COG7: variants seen among roughly 807,000 people sequenced by gnomAD.
COG7 encodes the protein component of oligomeric golgi complex 7.
Under a neutral mutation model 91.5 loss-of-function variants are expected in COG7, and 49 were observed. The ratio of observed to expected loss-of-function variants is 0.54; its 90% confidence interval spans 0.43 to 0.68. COG7 has a LOEUF of 0.68. COG7 is among the 30% of genes least tolerant of loss of function. COG7 has a pLI of 0.00. For synonymous variants in COG7, 365 were observed against 388.7 expected (o/e 0.94, Z 0.72); for missense variants, 895 against 961.3 (o/e 0.93, Z 0.91).
rs867550588 is a variant in COG7 at position 23,435,688 on chromosome 16, C to A, written c.605-970G>T. The stretch of plus-strand genomic sequence containing the variant: ...TATATCAAAAGAAGGGAAAAAAAAG[C>A]CTTGAGCTAACAGGTCTCCAAACTT... On this transcript the variant is annotated intron_variant, in intron 4 of 16. Transcript: ENST00000307149. Among the ~76,000 whole-genome samples the A allele has an allele frequency of 4.6e-5, 7 of 152,256 alleles. No individual in the cohort carries two copies. The South Asian group carries it at 1.4e-3, about 32-fold the overall frequency.
At chr16:23,417,733 G>A (rs1481675037) in intron 8 of COG7, among the ~76,000 whole-genome samples, 1 of 152,018 alleles carries the variant, frequency 6.6e-6, no homozygotes, top group Non-Finnish European at 1.5e-5. Context: ...ACTCCAACCT[G>A]GGCACCATTG....
chr16:23,441,305 T>A (rs1016269357), intron 4 of COG7, among the ~76,000 whole-genome samples: 4 of 152,184 alleles, frequency 2.6e-5, no homozygotes, highest in African/African-American at 7.2e-5. Context: ...CCAGGCATGG[T>A]GGCTCGCGCC....
chr16:23,426,831 AAAAAAAGAAAG>A (rs926344285), intron 6 of COG7, among the ~76,000 whole-genome samples: 4 of 150,128 alleles, frequency 2.7e-5, no homozygotes, highest in South Asian at 2.1e-4. Flanking sequence ...AAAAAAAAAA[AAAAAAAGAAAG>A]AAAGAAAGAA....
intron 11 of COG7, among the ~76,000 whole-genome samples, chr16:23,407,329 T>C (rs929925993): frequency 6.6e-6 from 1 of 152,230 alleles, no homozygotes; most frequent in Non-Finnish European, 1.5e-5. Context: ...GTCTCTGCCA[T>C]TGCCTTACTT....
intron 13 of COG7, among the ~76,000 whole-genome samples, chr16:23,400,826 C>T (rs910071029): frequency 6.6e-6 from 1 of 151,952 alleles, no homozygotes; most frequent in South Asian, 2.1e-4. Context: ...AAAAATTAGC[C>T]GGGTGTGGTG....
chr16:23,421,035 C>T (rs187945886), intron 7 of COG7, among the ~76,000 whole-genome samples: 1 of 151,296 alleles, frequency 6.6e-6, no homozygotes. Context: ...CAGGTGCGAG[C>T]CCCCATGCCT....
chr16:23,394,544 T>C (rs42535), intron 14 of COG7, among the ~76,000 whole-genome samples: 3 of 151,986 alleles, frequency 2.0e-5, no homozygotes, highest in African/African-American at 4.8e-5. Context: ...ATTCATTCCA[T>C]GACATTCCTG....
intron 3 of COG7, among the ~76,000 whole-genome samples, chr16:23,443,234 G>A (rs1310231464): frequency 2.6e-5 from 4 of 152,100 alleles, no homozygotes; most frequent in African/African-American, 9.7e-5. Context: ...AGCAATATGT[G>A]CTAAGAGTTT....
intron 9 of COG7, chr16:23,416,118 C>T (rs1963648767): frequency 6.6e-6 from 1 of 152,094 alleles, no homozygotes; most frequent in South Asian, 2.1e-4. Flanking sequence ...GCAAGCTCTG[C>T]CTCTTGGATT....
chr16:23,392,498 G>T lies in COG7; in HGVS notation c.2028C>A (p.Asn676Lys), dbSNP rs1963215912. 1 of 1,614,092 alleles carries T rather than the reference G, an allele frequency of 6.2e-7. No homozygotes were observed. Among genetic ancestry groups the T allele is most frequent in the Non-Finnish European group, 8.5e-7 (1 of 1,180,050 alleles). ...TCGAGCCCAGCCAGTTGTCAGCCAT[G>T]TTGTCCAGCTCGGGCAATTCATCCC... is the stretch of plus-strand genomic sequence containing the variant. Reference protein sequence around the residue: ...EQGDELPELDNMADNWLGSIA... With the variant: ...EQGDELPELDKMADNWLGSIA... Residue 676 changes from asparagine (N) to lysine (K), a missense_variant, in exon 16 of 17, where the codon AAC (asparagine) becomes AAA (lysine). Transcript: ENST00000307149.
chr16:23,406,237 G>C lies in COG7; in HGVS notation c.1501C>G (p.Leu501Val). 6.2e-7 allele frequency: 1 copy of C among 1,614,112 alleles called. No homozygotes were observed. Among genetic ancestry groups the C allele is most frequent in the Non-Finnish European group, 8.5e-7 (1 of 1,179,988 alleles). Residue 501 changes from leucine to valine, a missense_variant, in exon 12 of 17, where the codon CTA becomes GTA. Coordinates refer to ENST00000307149, the MANE Select transcript of COG7 (RefSeq NM_153603.4). ...NRILSTAGKY[L>V]SDSCSPRSLA... ...CTCCGGGGGCTGCAGGAATCAGATA[G>C]ATACTTCCCAGCTGTGGACAAAATC... is the stretch of plus-strand genomic sequence containing the variant.
At chr16:23,404,187 G>C (rs540777777) in intron 12 of COG7, among the ~76,000 whole-genome samples, 3 of 152,214 alleles carry the variant, frequency 2.0e-5, no homozygotes, top group Admixed American at 6.5e-5. Context: ...TGGGAAAGAG[G>C]GGGGAAACAA....
intron 1 of COG7, 34 bp downstream of exon 1, chr16:23,452,792 G>A (rs775486043): frequency 6.0e-5 from 96 of 1,593,490 alleles, no homozygotes; most frequent in Non-Finnish European, 8.1e-5. Context: ...GAGAGCAGGG[G>A]AGGGTCCCGC....
intron 11 of COG7, among the ~76,000 whole-genome samples, chr16:23,408,901 G>C (rs1567333311): frequency 6.6e-6 from 1 of 151,696 alleles, no homozygotes. Context: ...GCTGCATTTT[G>C]CAGCCCAGAG....
At chr16:23,400,765 T>C (rs911547235) in intron 13 of COG7, among the ~76,000 whole-genome samples, 1 of 151,954 alleles carries the variant, frequency 6.6e-6, no homozygotes, top group African/African-American at 2.4e-5. Flanking sequence ...AGCCCAGGAG[T>C]TTGAGACCAG....
chr16:23,404,481 C>T (rs553092008), intron 12 of COG7, among the ~76,000 whole-genome samples: 15 of 152,314 alleles, frequency 9.8e-5, no homozygotes, highest in South Asian at 2.1e-4. Context: ...AATTGCTTTA[C>T]GAAGTGTTTG....
intron 7 of COG7, among the ~76,000 whole-genome samples, chr16:23,422,885 A>C (rs1161149261): frequency 2.0e-5 from 3 of 151,532 alleles, no homozygotes; most frequent in Admixed American, 1.3e-4. Context: ...TCTACTAAAA[A>C]TACAAAAAAA....
chr16:23,446,003 AG>A (rs1167768946), intron 1 of COG7, 42 bp from the exon 2 acceptor site: 1 of 1,596,906 alleles, frequency 6.3e-7, no homozygotes, highest in African/African-American at 1.3e-5. Context: ...CAACAGCGAT[AG>A]CCACAAAAGG....
At chr16:23,417,404 A>T in intron 8 of COG7, 1 of 458,582 alleles carries the variant, frequency 2.2e-6, no homozygotes, top group Non-Finnish European at 4.0e-6. Flanking sequence ...TGTGATTATT[A>T]AGATGGCATC....
Sources: gnomAD v4.1 joint callset for allele counts (sites outside exome capture counted in the v4.1 genomes callset) on GRCh38, gnomAD v4.1.1 for gene constraint, MANE v1.5 for transcripts, NCBI Gene and HGNC (gene_info 2026-07-23, HGNC 2026-07-21) for gene names.